The following ADK variants were observed in gnomAD, a reference collection of about 807,000 sequenced individuals.
ADK encodes the protein N6,N6-dimethyladenosine kinase.
Under a neutral mutation model 44.7 loss-of-function variants are expected in ADK, and 24 were observed. That is an observed-to-expected ratio of 0.54 (90% CI 0.39 to 0.76). ADK has a LOEUF of 0.76. Ranked by LOEUF, ADK falls within the 30% of genes least tolerant of loss-of-function variation. The pLI, the probability that ADK is intolerant of heterozygous loss-of-function variation, is 0.00. For synonymous variants in ADK, 128 were observed against 142.6 expected (o/e 0.90, Z 0.73); for missense variants, 321 against 425.1 (o/e 0.76, Z 2.15).
chr10:74,705,256 T>C (rs949144927), intron 10 of ADK, among the ~76,000 whole-genome samples: 1 of 138,974 alleles, frequency 7.2e-6, no homozygotes, highest in African/African-American at 2.8e-5. Flanking sequence ...CTCATTATTA[T>C]CTGCTCTTCT....
rs958552518 is a variant in ADK at position 74,406,567 on chromosome 10, A to C, written c.555+7988A>C. 1.2e-4 allele frequency among the ~76,000 whole-genome samples: 18 copies of C among 145,908 alleles called. No individual in the cohort carries two copies. In the East Asian group the frequency reaches 3.6e-3, roughly 29 times the overall value. On this transcript the variant is annotated intron_variant, in intron 6 of 10. Coordinates refer to ENST00000539909, the MANE Select transcript of ADK (RefSeq NM_006721.4). Reference sequence around the variant, plus strand: ...AAGAAGAAGAAGAAGAAGAAGAAGAAGCCACTTGTAGTTGACCCATGTCTC... The same window carrying C: ...AAGAAGAAGAAGAAGAAGAAGAAGACGCCACTTGTAGTTGACCCATGTCTC...
At chr10:74,438,598 T>C (rs1362371159) in intron 6 of ADK, among the ~76,000 whole-genome samples, 1 of 152,152 alleles carries the variant, frequency 6.6e-6, no homozygotes, top group East Asian at 1.9e-4. Context: ...GTGCTCAGTA[T>C]GCATCTGTTG....
At chr10:74,241,848 T>C (rs1327041343) in intron 3 of ADK, among the ~76,000 whole-genome samples, 3 of 152,244 alleles carry the variant, frequency 2.0e-5, no homozygotes. Context: ...GACTATAGCT[T>C]GTGCTACTGC....
chr10:74,373,384 G>T (rs1213714246), intron 4 of ADK, among the ~76,000 whole-genome samples: 1 of 152,064 alleles, frequency 6.6e-6, no homozygotes, highest in African/African-American at 2.4e-5. Context: ...AAAGTGAAAA[G>T]ACAACCCACA....
intron 9 of ADK, among the ~76,000 whole-genome samples, chr10:74,641,031 C>G (rs1209427669): frequency 1.3e-5 from 2 of 152,170 alleles, no homozygotes; most frequent in African/African-American, 4.8e-5. Flanking sequence ...TGAAATAGAG[C>G]CTTTGACTTC....
chr10:74,645,932 A>G (rs955331394), intron 9 of ADK, among the ~76,000 whole-genome samples: 1 of 152,216 alleles, frequency 6.6e-6, no homozygotes, highest in African/African-American at 2.4e-5. Flanking sequence ...AACCACCTAG[A>G]GCATCATGCA....
chr10:74,458,021 AAAT>A (rs1395653962), intron 6 of ADK, among the ~76,000 whole-genome samples: 3 of 152,164 alleles, frequency 2.0e-5, no homozygotes, highest in African/African-American at 2.4e-5. Flanking sequence ...TACAATTAAA[AAAT>A]AATAATAAAA....
chr10:74,321,705 T>C lies in ADK; in HGVS notation c.273+6960T>C, dbSNP rs185498925. ...CCAGTAAAATTTTAACCATGTTGTT[T>C]CATTTTTAATTAAAATTTAAGAGGA... is the stretch of plus-strand genomic sequence containing the variant. On this transcript the variant is annotated intron_variant, in intron 4 of 10. Coordinates refer to ENST00000539909, the MANE Select transcript of ADK (RefSeq NM_006721.4). 2.6e-3 allele frequency among the ~76,000 whole-genome samples: 398 copies of C among 152,314 alleles called. 3 individuals are homozygous for C. The highest frequency in any genetic ancestry group is 4.3e-3 in the Non-Finnish European group (295 of 68,024).
At chr10:74,214,856 T>C (rs1213377033) in intron 2 of ADK, among the ~76,000 whole-genome samples, 2 of 152,224 alleles carry the variant, frequency 1.3e-5, no homozygotes, top group African/African-American at 4.8e-5. Context: ...TGGACACTTT[T>C]TGTGTAATGT....
intron 3 of ADK, among the ~76,000 whole-genome samples, chr10:74,304,239 ACTT>A (rs1179021616): frequency 8.6e-5 from 13 of 151,540 alleles, no homozygotes; most frequent in African/African-American, 2.9e-4. Flanking sequence ...TCAGTCATTT[ACTT>A]CTTTTTTTTT....
At chr10:74,694,968 T>C (rs951906440) in intron 10 of ADK, among the ~76,000 whole-genome samples, 1 of 151,988 alleles carries the variant, frequency 6.6e-6, no homozygotes, top group Non-Finnish European at 1.5e-5. Flanking sequence ...TTTTTTAATA[T>C]AGAGTGAGGT....
At chr10:74,541,804 C>CCG (rs1554878487) in intron 7 of ADK, among the ~76,000 whole-genome samples, 3 of 137,310 alleles carry the variant, frequency 2.2e-5, no homozygotes, top group African/African-American at 5.5e-5. Flanking sequence ...ACCCCCCCCC[C>CCG]CTAAAAAAAA....
chr10:74,348,575 C>T (rs996194261), intron 4 of ADK, among the ~76,000 whole-genome samples: 3 of 151,710 alleles, frequency 2.0e-5, no homozygotes, highest in South Asian at 2.1e-4. Context: ...CAAAACTGGA[C>T]GGAGCAACCC....
chr10:74,497,492 A>G (rs1847733405), intron 6 of ADK, among the ~76,000 whole-genome samples: 1 of 152,222 alleles, frequency 6.6e-6, no homozygotes, highest in African/African-American at 2.4e-5. Context: ...CATTATAAGC[A>G]GACTCATTCA....
chr10:74,421,500 G>A (rs1279162988), intron 6 of ADK, among the ~76,000 whole-genome samples: 3 of 152,144 alleles, frequency 2.0e-5, no homozygotes, highest in African/African-American at 7.2e-5. Context: ...AATAATTATA[G>A]ATGCATGTGT....
chr10:74,452,873 A>C (rs1438565358), intron 6 of ADK, among the ~76,000 whole-genome samples: 1 of 152,070 alleles, frequency 6.6e-6, no homozygotes, highest in Non-Finnish European at 1.5e-5. Context: ...ATTTTCAACA[A>C]TGATTAGTGG....
rs920345698 is a variant in ADK, at chr10:74,236,434, C to T, written c.194+11843C>T. On this transcript the variant is annotated intron_variant, in intron 3 of 10. Coordinates refer to ENST00000539909, the MANE Select transcript of ADK (RefSeq NM_006721.4). Reference sequence around the variant, plus strand: ...ATTATCTTTGAAGCCTTTGTTAGTACTAAACATCTTTATTCTGTTATAATA... The same window carrying T: ...ATTATCTTTGAAGCCTTTGTTAGTATTAAACATCTTTATTCTGTTATAATA... Among the ~76,000 whole-genome samples the T allele has an allele frequency of 2.0e-5, 3 of 152,248 alleles. No individual in the cohort carries two copies. The East Asian group carries it at 5.8e-4, about 29-fold the overall frequency.
At chr10:74,162,355 G>A (rs1456088687) in intron 1 of ADK, among the ~76,000 whole-genome samples, 2 of 152,134 alleles carry the variant, frequency 1.3e-5, no homozygotes, top group Non-Finnish European at 2.9e-5. Context: ...GGATTCATGT[G>A]TTGTCTATAA....
At chr10:74,695,912 T>G (rs1331165942) in intron 10 of ADK, among the ~76,000 whole-genome samples, 2 of 152,108 alleles carry the variant, frequency 1.3e-5, no homozygotes, top group Non-Finnish European at 2.9e-5. Flanking sequence ...AGTGCTGGAA[T>G]TACAGGCACA....
Sources: gnomAD v4.1 joint callset for allele counts (sites outside exome capture counted in the v4.1 genomes callset) on GRCh38, gnomAD v4.1.1 for gene constraint, MANE v1.5 for transcripts, NCBI Gene and HGNC (gene_info 2026-07-23, HGNC 2026-07-21) for gene names.